Variants in SYT7 observed in about 807,000 individuals in gnomAD.
SYT7 encodes synaptotagmin 7, also known as synaptotagmin-7.
Under a neutral mutation model 75.1 loss-of-function variants are expected in SYT7, and 29 were observed. That is an observed-to-expected ratio of 0.39 (90% CI 0.29 to 0.53). The LOEUF (loss-of-function observed/expected upper bound fraction) is 0.53. Among genes scored for constraint, SYT7 ranks in the 20% least tolerant of loss-of-function variants. The probability of loss-of-function intolerance (pLI) is 0.77; values close to 1 mark genes in which losing one functional copy is unlikely to be tolerated. For missense variants in SYT7, 693 were observed against 953.2 expected, an observed-to-expected ratio of 0.73 and a Z score of 3.59; for synonymous variants, 376 against 401.7, an observed-to-expected ratio of 0.94 and a Z score of 0.76.
intron 1 of SYT7, among the ~76,000 whole-genome samples, chr11:61,561,771 C>T (rs934465881): frequency 3.9e-5 from 6 of 152,192 alleles, no homozygotes; most frequent in African/African-American, 9.7e-5. Context: ...ATATGCCACA[C>T]TACAGGGTCC....
chr11:61,545,611 T>C (rs1452229188), intron 5 of SYT7, among the ~76,000 whole-genome samples: 1 of 152,186 alleles, frequency 6.6e-6, no homozygotes, highest in African/African-American at 2.4e-5. Context: ...TGGGAGCTGA[T>C]GGGTGATTGT....
At chr11:61,557,732 C>G (rs1226669387) in intron 1 of SYT7, among the ~76,000 whole-genome samples, 2 of 152,242 alleles carry the variant, frequency 1.3e-5, no homozygotes, top group Non-Finnish European at 2.9e-5. Context: ...CACTTTCAAC[C>G]TCAGGGGCCA....
Position 61,542,614 on chromosome 11 carries a change from A to G in SYT7, c.573-35T>C. 6.8e-7 allele frequency: 1 copy of G among 1,460,150 alleles called. No homozygotes were observed. Among genetic ancestry groups the G allele is most frequent in the Non-Finnish European group, 9.0e-7 (1 of 1,109,290 alleles). The allele number at this position is 1,460,150 out of a possible 1,614,324, so 90.4% of individuals were successfully genotyped here. The stretch of plus-strand genomic sequence containing the variant: ...GGTGGAGGAGAGGAGAGAAAGGAGA[A>G]GCAGATGAAGGGATCACAGTGGAAG... On this transcript the variant is annotated intron_variant, in intron 5 of 12. Coordinates refer to ENST00000539008, the MANE Select transcript of SYT7 (RefSeq NM_001365809.2). The surrounding 1 kb of genome is among the most constrained non-coding windows in gnomAD (Gnocchi z 7.8).
intron 12 of SYT7, among the ~76,000 whole-genome samples, chr11:61,521,255 A>T (rs960657483): frequency 6.6e-6 from 1 of 152,268 alleles, no homozygotes; most frequent in African/African-American, 2.4e-5. Flanking sequence ...TCCGTAAGTT[A>T]CCAGGCCAAA....
intron 7 of SYT7, chr11:61,533,642 C>T (rs945169752): frequency 2.0e-6 from 2 of 985,304 alleles, no homozygotes; most frequent in Non-Finnish European, 2.4e-6. Flanking sequence ...CTCTTCCCAC[C>T]CTCCAGACGT....
rs1273963193 is a variant in SYT7, at chr11:61,531,702, T to C, written c.1200+1287A>G. 2.0e-5 allele frequency among the ~76,000 whole-genome samples: 3 copies of C among 152,050 alleles called. No individual in the cohort carries two copies. In the South Asian group the frequency reaches 6.3e-4, roughly 32 times the overall value. The stretch of plus-strand genomic sequence containing the variant: ...TGAGGCTAAGAGTTTGAGACTGGCC[T>C]GGCCAACATGGTGAAACCCCGTCTC... On this transcript the variant is annotated intron_variant, in intron 8 of 12. Transcript: ENST00000539008.
chr11:61,518,965 G>A (rs780323142), intron 12 of SYT7, among the ~76,000 whole-genome samples: 1 of 152,190 alleles, frequency 6.6e-6, no homozygotes, highest in Admixed American at 6.5e-5. Flanking sequence ...CAGGCCTCTC[G>A]GAATTAGACT....
Position 61,514,283 on chromosome 11 carries a change from C to G in SYT7, c.*4344G>C, listed in dbSNP as rs2062106304. Among the ~76,000 whole-genome samples the G allele has an allele frequency of 6.6e-6, 1 of 152,220 alleles. No homozygotes were observed. Among genetic ancestry groups the G allele is most frequent in the South Asian group, 2.1e-4 (1 of 4,834 alleles). ...CCAAGGGAGCCCCTGAGGCTACTTACCTGACCCCGGGGCTTCCTCTGATCT... is the reference window on the plus strand; with the variant it reads ...CCAAGGGAGCCCCTGAGGCTACTTAGCTGACCCCGGGGCTTCCTCTGATCT... On this transcript the variant is annotated 3_prime_UTR_variant, in exon 13 of 13. Coordinates refer to ENST00000539008, the MANE Select transcript of SYT7 (RefSeq NM_001365809.2).
chr11:61,559,884 G>T (rs1009279117), intron 1 of SYT7, among the ~76,000 whole-genome samples: 8 of 152,200 alleles, frequency 5.3e-5, no homozygotes, highest in African/African-American at 1.9e-4. Context: ...AGCAGAATAA[G>T]CCCTAGGTTT....
At position 61,551,509 on chromosome 11, in the gene SYT7, C is replaced by T; in HGVS notation, c.136-46G>A. The T allele has an allele frequency of 6.3e-7, 1 of 1,579,996 alleles. No homozygotes were observed. Among genetic ancestry groups the T allele is most frequent in the Non-Finnish European group, 8.7e-7 (1 of 1,152,128 alleles). On this transcript the variant is annotated intron_variant, in intron 2 of 12. Coordinates refer to ENST00000539008, the MANE Select transcript of SYT7 (RefSeq NM_001365809.2). This position sits in a 1 kb window ranked among gnomAD's most constrained non-coding sequence, Gnocchi z 5.3. ...TCACTCCTGGGGAACAGGACTGTAC[C>T]CTCCCTACCTCCCCAGAACAGGGAC...
chr11:61,532,642 G>A (rs2062745327), intron 8 of SYT7, among the ~76,000 whole-genome samples: 1 of 152,164 alleles, frequency 6.6e-6, no homozygotes, highest in African/African-American at 2.4e-5. Flanking sequence ...TTTCCCTCTA[G>A]GATCCTGAAA....
At chr11:61,543,009 C>A (rs1165314098) in intron 5 of SYT7, among the ~76,000 whole-genome samples, 1 of 152,140 alleles carries the variant, frequency 6.6e-6, no homozygotes, top group African/African-American at 2.4e-5. Context: ...CTGGGGGACA[C>A]CAGGAAAGTC....
At chr11:61,545,363 C>T (rs1012097630) in intron 5 of SYT7, among the ~76,000 whole-genome samples, 8 of 152,230 alleles carry the variant, frequency 5.3e-5, no homozygotes, top group Non-Finnish European at 7.3e-5. Flanking sequence ...CAGGAATACA[C>T]GGTCCCAACA....
At chr11:61,587,881 C>G in the SYT7 span, among the ~76,000 whole-genome samples, 108 of 151,704 alleles carry the variant, frequency 7.1e-4, no homozygotes, top group African/African-American at 2.6e-3. Flanking sequence ...TGAGAGGACC[C>G]GTCCACGCCG....
chr11:61,547,627 GGA>G (rs1307499439), intron 3 of SYT7, among the ~76,000 whole-genome samples: 1 of 152,012 alleles, frequency 6.6e-6, no homozygotes, highest in East Asian at 1.9e-4. Context: ...GAAGCTGGTG[GGA>G]GAGAGAAAAT....
chr11:61,524,510 C>T lies in SYT7; in HGVS notation c.1494G>A (p.Val498=), dbSNP rs936029676. 1 of 1,600,926 alleles carries T rather than the reference C, an allele frequency of 6.2e-7. No homozygotes were observed. Among genetic ancestry groups the T allele is most frequent in the African/African-American group, 1.3e-5 (1 of 74,612 alleles). ...GGACTTGGAGGTAGAGGATCCTCTG[C>T]ACCACCTTCTCATAGGGAAAACCTG... is the stretch of plus-strand genomic sequence containing the variant. ...LFEGFPYEKV[V]QRILYLQVLD... Residue 498 remains valine (V), a synonymous_variant, in exon 10 of 13, where the codon GTG becomes GTA. Coordinates refer to ENST00000539008, the MANE Select transcript of SYT7 (RefSeq NM_001365809.2). The surrounding 1 kb of genome is among the most constrained non-coding windows in gnomAD (Gnocchi z 4.1).
chr11:61,558,221 C>T (rs2063545397), intron 1 of SYT7, among the ~76,000 whole-genome samples: 1 of 152,148 alleles, frequency 6.6e-6, no homozygotes, highest in Non-Finnish European at 1.5e-5. Flanking sequence ...CTTTGGGAGC[C>T]AGAGGCAGGC....
upstream of SYT7, among the ~76,000 whole-genome samples, chr11:61,585,061 T>C (rs1222229635): frequency 6.6e-6 from 1 of 152,076 alleles, no homozygotes; most frequent in African/African-American, 2.4e-5. Context: ...CCAGGAGTCC[T>C]GGGTCGGCTT....
At chr11:61,532,686 T>C (rs1293547071) in intron 8 of SYT7, among the ~76,000 whole-genome samples, 1 of 152,186 alleles carries the variant, frequency 6.6e-6, no homozygotes, top group Non-Finnish European at 1.5e-5. Context: ...TTTGGCCCCT[T>C]CTCAATCCAC....
Sources: gnomAD v4.1 joint callset for allele counts (sites outside exome capture counted in the v4.1 genomes callset) on GRCh38, gnomAD v4.1.1 for gene constraint, Gnocchi (gnomAD v3.1) non-coding constraint, MANE v1.5 for transcripts, NCBI Gene and HGNC (gene_info 2026-07-23, HGNC 2026-07-21) for gene names.